SEMA6D: variants seen among roughly 807,000 people sequenced by gnomAD.
SEMA6D encodes semaphorin-6D.
In SEMA6D, 35 loss-of-function variants were observed where a neutral mutation model predicts 106.6. That is an observed-to-expected ratio of 0.33 (90% CI 0.25 to 0.44). SEMA6D has a LOEUF of 0.44. Among genes scored for constraint, SEMA6D ranks in the 20% least tolerant of loss-of-function variants. The probability of loss-of-function intolerance (pLI) is 1.00; values close to 1 mark genes in which losing one functional copy is unlikely to be tolerated. For synonymous variants in SEMA6D, 499 were observed against 487.7 expected (o/e 1.02, Z -0.31); for missense variants, 1,185 against 1,345.9 (o/e 0.88, Z 1.87).
chr15:47,509,648 G>A (rs2141753652), intron 3 of SEMA6D, among the ~76,000 whole-genome samples: 1 of 152,270 alleles, frequency 6.6e-6, no homozygotes, highest in African/African-American at 2.4e-5. Context: ...CACTCATCCT[G>A]TTTACTTGGC....
chr15:47,647,976 A>G (rs1192882827), intron 4 of SEMA6D, among the ~76,000 whole-genome samples: 2 of 152,204 alleles, frequency 1.3e-5, no homozygotes, highest in Non-Finnish European at 2.9e-5. Flanking sequence ...TTTGGAGCAT[A>G]TGAAACCCAA....
chr15:47,614,344 A>G (rs11070600), intron 4 of SEMA6D, among the ~76,000 whole-genome samples: 4,902 of 152,314 alleles, frequency 0.032, 267 homozygotes, highest in African/African-American at 0.11. Context: ...CATGGCAGGC[A>G]ATACATAACC....
chr15:47,477,618 G>A (rs574064233), intron 3 of SEMA6D, among the ~76,000 whole-genome samples: 1 of 152,198 alleles, frequency 6.6e-6, no homozygotes, highest in Admixed American at 6.5e-5. Context: ...GAATTGTGAT[G>A]CAACTATCTA....
intron 3 of SEMA6D, among the ~76,000 whole-genome samples, chr15:47,596,119 A>G (rs1190011981): frequency 6.6e-6 from 1 of 152,164 alleles, no homozygotes; most frequent in Non-Finnish European, 1.5e-5. Context: ...TCAACAAACA[A>G]AAAGCAGTAG....
At chr15:47,364,529 C>G (rs769726338) in intron 1 of SEMA6D, among the ~76,000 whole-genome samples, 1 of 152,146 alleles carries the variant, frequency 6.6e-6, no homozygotes, top group Non-Finnish European at 1.5e-5. Flanking sequence ...TATAGCTGTG[C>G]GCTGCACATG....
chr15:47,263,398 G>A (rs2034168038), intron 1 of SEMA6D, among the ~76,000 whole-genome samples: 2 of 152,040 alleles, frequency 1.3e-5, no homozygotes, highest in African/African-American at 4.8e-5. Context: ...GACATGAAAA[G>A]ACACTTTTTG....
chr15:47,748,780 C>T (rs1034092139), intron 1 of SEMA6D, among the ~76,000 whole-genome samples: 2 of 152,164 alleles, frequency 1.3e-5, no homozygotes, highest in African/African-American at 2.4e-5. Flanking sequence ...CATAGGCCTT[C>T]GGGAACCATT....
At chr15:47,317,186 G>T (rs570306327) in intron 1 of SEMA6D, among the ~76,000 whole-genome samples, 2 of 152,090 alleles carry the variant, frequency 1.3e-5, no homozygotes, top group Non-Finnish European at 1.5e-5. Flanking sequence ...TACCAAATTT[G>T]TGGGCATGAA....
chr15:47,319,334 G>GT (rs955036499), intron 1 of SEMA6D, among the ~76,000 whole-genome samples: 11 of 152,260 alleles, frequency 7.2e-5, no homozygotes, highest in Non-Finnish European at 1.2e-4. Context: ...TTCATGTTGT[G>GT]TTTTTTGCCA....
chr15:47,420,456 T>C (rs2041116563), intron 2 of SEMA6D, among the ~76,000 whole-genome samples: 1 of 152,088 alleles, frequency 6.6e-6, no homozygotes, highest in Admixed American at 6.6e-5. Context: ...GTCCATTGCC[T>C]CCAATGTCTC....
chr15:47,453,020 A>G, intron 2 of SEMA6D, among the ~76,000 whole-genome samples: 1 of 151,950 alleles, frequency 6.6e-6, no homozygotes, highest in East Asian at 1.9e-4. Context: ...GTTCATTTAA[A>G]AAGAAAAAGT....
At chr15:47,440,374 GTTA>G (rs1567081090) in intron 2 of SEMA6D, among the ~76,000 whole-genome samples, 1 of 152,026 alleles carries the variant, frequency 6.6e-6, no homozygotes, top group Non-Finnish European at 1.5e-5. Flanking sequence ...CTTGGCTGTG[GTTA>G]TATTTAACTA....
intron 3 of SEMA6D, among the ~76,000 whole-genome samples, chr15:47,548,743 A>G (rs1026192179): frequency 1.6e-4 from 24 of 152,146 alleles, no homozygotes; most frequent in Admixed American, 2.6e-4. Context: ...ACACATACAC[A>G]TGTACGTATA....
chr15:47,640,071 CACTG>C (rs1270698245), intron 4 of SEMA6D, among the ~76,000 whole-genome samples: 2 of 152,078 alleles, frequency 1.3e-5, no homozygotes, highest in Non-Finnish European at 2.9e-5. Context: ...TAATAGGAGA[CACTG>C]AATGCAGGGG....
intron 1 of SEMA6D, among the ~76,000 whole-genome samples, chr15:47,309,666 A>AACT (rs886351603): frequency 4.0e-4 from 61 of 152,242 alleles, no homozygotes; most frequent in Non-Finnish European, 5.4e-4. Flanking sequence ...GTGTAAGGGG[A>AACT]ACTACTGTAC....
chr15:47,211,036 A>C (rs1462309992), intron 1 of SEMA6D, among the ~76,000 whole-genome samples: 1 of 152,190 alleles, frequency 6.6e-6, no homozygotes, highest in Non-Finnish European at 1.5e-5. Context: ...ACATAAGTAC[A>C]AAATAAATTA....
At chr15:47,509,308 C>T (rs1365761413) in intron 3 of SEMA6D, among the ~76,000 whole-genome samples, 1 of 152,182 alleles carries the variant, frequency 6.6e-6, no homozygotes, top group African/African-American at 2.4e-5. Flanking sequence ...CCTGCTTACT[C>T]AGATAAACTC....
At chr15:47,216,703 A>G (rs2030650128) in intron 1 of SEMA6D, among the ~76,000 whole-genome samples, 2 of 152,150 alleles carry the variant, frequency 1.3e-5, no homozygotes, top group Non-Finnish European at 2.9e-5. Context: ...GACAAAAAAG[A>G]TAAATACTTG....
At chr15:47,222,001 G>GCACA (rs113628492) in intron 1 of SEMA6D, among the ~76,000 whole-genome samples, 2 of 150,666 alleles carry the variant, frequency 1.3e-5, no homozygotes, top group South Asian at 2.1e-4. Flanking sequence ...ACAAGCAAGC[G>GCACA]CACACACACA....
Sources: gnomAD v4.1 joint callset for allele counts (sites outside exome capture counted in the v4.1 genomes callset) on GRCh38, gnomAD v4.1.1 for gene constraint, MANE v1.5 for transcripts, NCBI Gene and HGNC (gene_info 2026-07-23, HGNC 2026-07-21) for gene names.